The following SPSB1 variants were observed in gnomAD, a reference collection of about 807,000 sequenced individuals.
SPSB1 encodes the protein SPRY domain-containing SOCS box protein 1.
SPSB1 carries 8 observed loss-of-function variants against 21.2 expected under a neutral mutation model. The observed-to-expected ratio is 0.38, with a 90% confidence interval of 0.22 to 0.68. The LOEUF (loss-of-function observed/expected upper bound fraction) is 0.68. SPSB1 is among the 30% of genes least tolerant of loss of function. The pLI is 0.53. For missense variants in SPSB1, 242 were observed against 377.8 expected, an observed-to-expected ratio of 0.64 and a Z score of 2.98; for synonymous variants, 169 against 161.7, an observed-to-expected ratio of 1.05 and a Z score of -0.34.
At chr1:9,301,824 T>TC (rs1490830933) in intron 1 of SPSB1, among the ~76,000 whole-genome samples, 1 of 152,164 alleles carries the variant, frequency 6.6e-6, no homozygotes, top group Non-Finnish European at 1.5e-5. Context: ...ATGGCCCCAT[T>TC]CCCCGGGATG....
At chr1:9,331,320 T>G in intron 1 of SPSB1, among the ~76,000 whole-genome samples, 1 of 128,812 alleles carries the variant, frequency 7.8e-6, no homozygotes, top group South Asian at 2.5e-4. Flanking sequence ...CTGGTGCTCT[T>G]GTTTTTTTTT....
Position 9,356,143 on chromosome 1 carries a change from G to A in SPSB1, c.252G>A (p.Thr84=), listed in dbSNP as rs376085384. The A allele has an allele frequency of 1.8e-5, 29 of 1,593,062 alleles. No homozygotes were observed. The highest frequency in any genetic ancestry group is 7.9e-5 in the South Asian group (7 of 88,284). The change falls in exon 2 of 3, where the codon ACG becomes ACA. Residue 84 remains threonine (T), a synonymous_variant. Coordinates refer to ENST00000328089, the MANE Select transcript of SPSB1 (RefSeq NM_025106.4). The surrounding 1 kb of genome is among the most constrained non-coding windows in gnomAD (Gnocchi z 7.4). ...ACCGGCATCCGGTGGCCCAGAGCAC[G>A]GACGCTATCAGGGGCAAAGTCGGGT... ...IFHRHPVAQS[T]DAIRGKVGYT...
At chr1:9,309,614 G>C (rs1464051071) in intron 1 of SPSB1, among the ~76,000 whole-genome samples, 3 of 152,062 alleles carry the variant, frequency 2.0e-5, no homozygotes, top group African/African-American at 7.3e-5. Context: ...AGGCCGAGAC[G>C]GGTGGATCAC....
intron 1 of SPSB1, among the ~76,000 whole-genome samples, chr1:9,322,331 A>G (rs143714382): frequency 6.6e-6 from 1 of 152,314 alleles, no homozygotes; most frequent in Non-Finnish European, 1.5e-5. Flanking sequence ...CTCTCAGGTT[A>G]TAGCCGGTAA....
In SPSB1 at chr1:9,345,886, T is replaced by C. The variant is rs558988814; in HGVS notation, c.-149-9857T>C. Among the ~76,000 whole-genome samples, 6 of 152,264 alleles carry C rather than the reference T, an allele frequency of 3.9e-5. No homozygotes were observed. The South Asian group carries it at 1.0e-3, about 26-fold the overall frequency. On this transcript the variant is annotated intron_variant, in intron 1 of 2. Transcript: ENST00000328089. The surrounding 1 kb of genome is among the most constrained non-coding windows in gnomAD (Gnocchi z 4.8). ...CCTCCTTGAGGGGTCCCTCCTCAAG[T>C]TGGCAGTTGGCAGGGTGAGGGGTGG...
At chr1:9,325,640 G>A (rs780268441) in intron 1 of SPSB1, among the ~76,000 whole-genome samples, 8 of 152,178 alleles carry the variant, frequency 5.3e-5, no homozygotes, top group Admixed American at 1.3e-4. Context: ...GGCACAGTGT[G>A]AACAAGACTG....
chr1:9,328,738 G>A (rs1436990445), intron 1 of SPSB1, among the ~76,000 whole-genome samples: 1 of 152,224 alleles, frequency 6.6e-6, no homozygotes, highest in Non-Finnish European at 1.5e-5. Flanking sequence ...TTTGTCCCAG[G>A]AATACCCTGC....
intron 1 of SPSB1, among the ~76,000 whole-genome samples, chr1:9,340,700 G>T (rs975860903): frequency 6.6e-6 from 1 of 152,250 alleles, no homozygotes; most frequent in African/African-American, 2.4e-5. Context: ...TGCCACCGAG[G>T]GGCGTGGGAT....
intron 1 of SPSB1, among the ~76,000 whole-genome samples, chr1:9,313,150 A>G (rs1409174183): frequency 1.3e-5 from 2 of 152,158 alleles, no homozygotes; most frequent in African/African-American, 4.8e-5. Context: ...TAATCCCAGC[A>G]CTTTGGGAGG....
intron 1 of SPSB1, among the ~76,000 whole-genome samples, chr1:9,323,927 C>G (rs185397993): frequency 2.1e-3 from 324 of 152,294 alleles, no homozygotes; most frequent in Admixed American, 4.3e-3. Flanking sequence ...ATGGGAAATT[C>G]AGGGGGTCTT....
At chr1:9,349,430 C>T (rs34247124) in intron 1 of SPSB1, among the ~76,000 whole-genome samples, 69,668 of 152,208 alleles carry the variant, frequency 0.46, 16,386 homozygotes, top group Non-Finnish European at 0.5. Flanking sequence ...AGTGTGGGGT[C>T]AGGGGGCTGT....
intron 1 of SPSB1, among the ~76,000 whole-genome samples, chr1:9,303,978 G>A (rs1157390628): frequency 6.6e-6 from 1 of 152,220 alleles, no homozygotes; most frequent in Non-Finnish European, 1.5e-5. Flanking sequence ...GGCTGCCCCA[G>A]GTGTGTCTGT....
At chr1:9,332,889 G>A (rs1165562562) in intron 1 of SPSB1, among the ~76,000 whole-genome samples, 2 of 152,246 alleles carry the variant, frequency 1.3e-5, no homozygotes, top group African/African-American at 2.4e-5. Flanking sequence ...GCCTGAGTGC[G>A]TAGAGGGTGA....
Position 9,349,574 on chromosome 1 carries a change from G to A in SPSB1, c.-149-6169G>A, listed in dbSNP as rs180757095. Reference sequence around the variant, plus strand: ...AAGGCGTGCAGGAGCGTGGGTGGGTGGACGGCTTGCCTGCCTTCCTCAGGA... The same window carrying A: ...AAGGCGTGCAGGAGCGTGGGTGGGTAGACGGCTTGCCTGCCTTCCTCAGGA... On this transcript the variant is annotated intron_variant, in intron 1 of 2. Coordinates refer to ENST00000328089, the MANE Select transcript of SPSB1 (RefSeq NM_025106.4). Among the ~76,000 whole-genome samples, 1,074 of 152,372 alleles carry A rather than the reference G, an allele frequency of 7.0e-3. 6 individuals are homozygous for A. The highest frequency in any genetic ancestry group is 0.012 in the Non-Finnish European group (790 of 68,038).
chr1:9,318,427 A>G (rs919718729), intron 1 of SPSB1, among the ~76,000 whole-genome samples: 1 of 152,172 alleles, frequency 6.6e-6, no homozygotes, highest in African/African-American at 2.4e-5. Flanking sequence ...GTCCTCTCCT[A>G]TCGCCCACGA....
rs1055549775 is a variant in SPSB1 at position 9,363,152 on chromosome 1, C to T, written c.695-4296C>T. Among the ~76,000 whole-genome samples, 2 of 152,186 alleles carry T rather than the reference C, an allele frequency of 1.3e-5. No homozygotes were observed. Among genetic ancestry groups the T allele is most frequent in the Non-Finnish European group, 1.5e-5 (1 of 68,042 alleles). ...ACGTCTGTTTCTGTGGCCATGCATT[C>T]TTGGTCTCTGCCCAGCCTTTGGAAA... On this transcript the variant is annotated intron_variant, in intron 2 of 2. Transcript: ENST00000328089. This position sits in a 1 kb window ranked among gnomAD's most constrained non-coding sequence, Gnocchi z 4.5.
In SPSB1 at chr1:9,295,408, G is replaced by A. The variant is rs566827790; in HGVS notation, c.-150+2337G>A. Reference sequence around the variant, plus strand: ...CAGGGAGCAAGGCGGGTGCCATGCCGGCTTAAGAGAGACCTGGCCCTGGGA... The same window carrying A: ...CAGGGAGCAAGGCGGGTGCCATGCCAGCTTAAGAGAGACCTGGCCCTGGGA... On this transcript the variant is annotated intron_variant, in intron 1 of 2. Transcript: ENST00000328089. 6.6e-5 allele frequency among the ~76,000 whole-genome samples: 10 copies of A among 152,282 alleles called. No homozygotes were observed. In the South Asian group the frequency reaches 8.3e-4, roughly 13 times the overall value.
intron 1 of SPSB1, chr1:9,339,183 C>A (rs1265306672): frequency 3.1e-6 from 3 of 980,542 alleles, no homozygotes; most frequent in African/African-American, 1.7e-5. Flanking sequence ...CATTCTCCCC[C>A]CAGCGGTGAG....
intron 2 of SPSB1, among the ~76,000 whole-genome samples, chr1:9,357,516 A>G (rs1455741983): frequency 1.3e-5 from 2 of 152,152 alleles, no homozygotes; most frequent in African/African-American, 4.8e-5. Context: ...CTCTCCGGTA[A>G]ATGAATGCTA....
Sources: gnomAD v4.1 joint callset for allele counts (sites outside exome capture counted in the v4.1 genomes callset) on GRCh38, gnomAD v4.1.1 for gene constraint, Gnocchi (gnomAD v3.1) non-coding constraint, MANE v1.5 for transcripts, NCBI Gene and HGNC (gene_info 2026-07-23, HGNC 2026-07-21) for gene names.